The following ACCSL variants were observed in gnomAD, a reference collection of about 807,000 sequenced individuals.
ACCSL encodes the protein 1-aminocyclopropane-1-carboxylate synthase homolog (inactive) like, also known as probable inactive 1-aminocyclopropane-1-carboxylate synthase-like protein 2.
In ACCSL, 55 loss-of-function variants were observed where a neutral mutation model predicts 61.7. The observed-to-expected ratio is 0.89, with a 90% CI of 0.72 to 1.12. The LOEUF is 1.12. ACCSL is among the 50% of genes most tolerant of loss of function. The pLI, the probability that ACCSL is intolerant of heterozygous loss-of-function variation, is 0.00. For synonymous variants in ACCSL, 258 were observed against 264.3 expected (o/e 0.98, Z 0.23); for missense variants, 632 against 698.0 (o/e 0.91, Z 1.07).
At chr11:43,941,921 A>G in the ACCSL span, among the ~76,000 whole-genome samples, 1 of 152,156 alleles carries the variant, frequency 6.6e-6, no homozygotes, top group Admixed American at 6.5e-5. Context: ...TCTTCAGAGC[A>G]TGAATGGGGG....
chr11:43,923,463 C>G, the ACCSL span, among the ~76,000 whole-genome samples: 1 of 152,334 alleles, frequency 6.6e-6, no homozygotes, highest in East Asian at 1.9e-4. Context: ...ATTCCACCCA[C>G]ACGCTCTCCT....
At chr11:44,034,692 T>C in the ACCSL span, among the ~76,000 whole-genome samples, 1 of 152,168 alleles carries the variant, frequency 6.6e-6, no homozygotes, top group Non-Finnish European at 1.5e-5. Context: ...TCCTACCAGG[T>C]GCCTCCTATG....
chr11:43,955,054 T>C, the ACCSL span, among the ~76,000 whole-genome samples: 1 of 152,184 alleles, frequency 6.6e-6, no homozygotes, highest in African/African-American at 2.4e-5. Flanking sequence ...AAAGGGAAAT[T>C]CTGCTGAGAA....
the ACCSL span, among the ~76,000 whole-genome samples, chr11:43,962,549 T>A: frequency 7.9e-5 from 12 of 152,340 alleles, no homozygotes; most frequent in Middle Eastern, 3.4e-3. Flanking sequence ...TCTCAAACAC[T>A]ATCCAATTAA....
At chr11:43,966,425 CAAAAA>C in the ACCSL span, among the ~76,000 whole-genome samples, 2 of 102,192 alleles carry the variant, frequency 2.0e-5, no homozygotes, top group Admixed American at 2.2e-4. Context: ...GACTCTGTCT[CAAAAA>C]AAAAAAAAAG....
chr11:44,009,887 T>A, the ACCSL span, among the ~76,000 whole-genome samples: 329 of 152,314 alleles, frequency 2.2e-3, no homozygotes, highest in African/African-American at 7.1e-3. Flanking sequence ...CAAGTTGCCA[T>A]CCCAAGCCCC....
the ACCSL span, chr11:43,932,960 T>C: frequency 9.8e-6 from 4 of 408,960 alleles, no homozygotes; most frequent in Admixed American, 2.8e-5. Flanking sequence ...CACACAGCTC[T>C]AATAGCAGAG....
chr11:44,034,554 C>T, the ACCSL span, among the ~76,000 whole-genome samples: 1 of 48,980 alleles, frequency 2.0e-5, no homozygotes, highest in African/African-American at 1.0e-4. Context: ...TACATGGTGG[C>T]AAGCAAGAGA....
chr11:44,034,456 T>C, the ACCSL span, among the ~76,000 whole-genome samples: 1 of 152,170 alleles, frequency 6.6e-6, no homozygotes, highest in African/African-American at 2.4e-5. Flanking sequence ...AACTGAGTAA[T>C]TTATAAAGAA....
chr11:44,030,044 G>T, the ACCSL span, among the ~76,000 whole-genome samples: 1 of 27,568 alleles, frequency 3.6e-5, no homozygotes, highest in Non-Finnish European at 7.6e-5. Flanking sequence ...ATGTTTGCTT[G>T]TTTCTTTGGT....
chr11:43,966,494 A>G, the ACCSL span, among the ~76,000 whole-genome samples: 2 of 152,062 alleles, frequency 1.3e-5, no homozygotes, highest in Non-Finnish European at 2.9e-5. Context: ...AATAGTGAAA[A>G]AAAAACCCAC....
At chr11:43,999,387 C>T in the ACCSL span, among the ~76,000 whole-genome samples, 1 of 152,190 alleles carries the variant, frequency 6.6e-6, no homozygotes, top group East Asian at 1.9e-4. Context: ...CAAAAAGCTG[C>T]AGCCAACATG....
the ACCSL span, chr11:43,932,943 C>T: frequency 5.3e-6 from 2 of 378,474 alleles, no homozygotes; most frequent in South Asian, 3.9e-5. Context: ...AGTGACTTGC[C>T]CTGGGCCACA....
chr11:43,952,378 T>G, the ACCSL span, among the ~76,000 whole-genome samples: 1 of 152,188 alleles, frequency 6.6e-6, no homozygotes, highest in Non-Finnish European at 1.5e-5. Context: ...CCTCATATTG[T>G]CTTATTCCCA....
chr11:44,003,290 G>A, the ACCSL span, among the ~76,000 whole-genome samples: 1 of 152,116 alleles, frequency 6.6e-6, no homozygotes, highest in Non-Finnish European at 1.5e-5. Flanking sequence ...GTTTTTTATT[G>A]TGGCCAAATG....
At chr11:44,050,840 C>CT (rs66464203) in intron 3 of ACCSL, among the ~76,000 whole-genome samples, 5,762 of 126,750 alleles carry the variant, frequency 0.045, 313 homozygotes, top group African/African-American at 0.12. Context: ...GGCCTGAGTT[C>CT]TTTTTTTTTT....
the ACCSL span, among the ~76,000 whole-genome samples, chr11:43,999,579 A>T: frequency 6.6e-6 from 1 of 152,184 alleles, no homozygotes; most frequent in Non-Finnish European, 1.5e-5. Flanking sequence ...ACTCCGGCAA[A>T]GCTAGCAAGG....
At chr11:43,994,516 A>ATGTG in the ACCSL span, among the ~76,000 whole-genome samples, 1 of 151,368 alleles carries the variant, frequency 6.6e-6, no homozygotes, top group African/African-American at 2.4e-5. Context: ...TTGTGTGTAT[A>ATGTG]TGTGTGTGTG....
the ACCSL span, among the ~76,000 whole-genome samples, chr11:44,005,927 A>T: frequency 2.0e-3 from 303 of 152,250 alleles, 3 homozygotes; most frequent in East Asian, 0.03. Flanking sequence ...AACTCCAAAG[A>T]TCCGCAATGC....
Sources: allele counts gnomAD v4.1 joint callset (sites outside exome capture counted in the v4.1 genomes callset), GRCh38; gene constraint gnomAD v4.1.1; transcripts MANE v1.5; gene names NCBI Gene and HGNC (gene_info 2026-07-23, HGNC 2026-07-21).